Variants in P2RY12 observed in about 807,000 individuals in gnomAD.
P2RY12 encodes purinergic receptor P2Y12.
In P2RY12, 3 loss-of-function variants were observed where a neutral mutation model predicts 4.5. The observed-to-expected ratio is 0.67, with a 90% CI of 0.31 to 1.74. P2RY12 has a LOEUF of 1.74. P2RY12 is among the 40% of genes most tolerant of loss of function. P2RY12 has a pLI of 0.09. For missense variants in P2RY12, 356 were observed against 407.8 expected (o/e 0.87, Z 1.09); for synonymous variants, 148 against 154.1 (o/e 0.96, Z 0.29).
intron 1 of P2RY12, chr3:151,355,050 A>G: frequency 9.0e-7 from 1 of 1,111,504 alleles, no homozygotes; most frequent in South Asian, 1.3e-5. Flanking sequence ...ACTTTAAAAA[A>G]AAGTATCCAT....
intron 1 of P2RY12, chr3:151,350,126 A>AT: frequency 6.2e-7 from 1 of 1,613,842 alleles, no homozygotes; most frequent in East Asian, 2.2e-5. Flanking sequence ...AAAGAGCGTG[A>AT]TGAAGCAAGG....
chr3:151,350,574 C>G (rs976293867), intron 1 of P2RY12, among the ~76,000 whole-genome samples: 3 of 152,068 alleles, frequency 2.0e-5, no homozygotes, highest in African/African-American at 7.2e-5. Context: ...ATCCATTTCT[C>G]TGTTTCTTTA....
At chr3:151,365,750 T>C (rs1284167315) in intron 1 of P2RY12, 2 of 1,077,400 alleles carry the variant, frequency 1.9e-6, no homozygotes, top group African/African-American at 3.1e-5. Context: ...AGAAAATGAC[T>C]TGTTTGATGT....
chr3:151,378,230 C>A (rs912475115), intron 1 of P2RY12: 31 of 1,483,720 alleles, frequency 2.1e-5, no homozygotes, highest in Middle Eastern at 1.8e-4. Flanking sequence ...GAGAAAGTCT[C>A]ACTTCCTGTA....
chr3:151,346,500 GA>G (rs1223107963), intron 1 of P2RY12, among the ~76,000 whole-genome samples: 22 of 152,098 alleles, frequency 1.4e-4, no homozygotes, highest in Admixed American at 6.5e-5. Context: ...GCCACTTAGA[GA>G]AACTTCTTCT....
At chr3:151,361,253 A>G (rs11925037) in intron 1 of P2RY12, among the ~76,000 whole-genome samples, 41,422 of 152,032 alleles carry the variant, frequency 0.27, 5,931 homozygotes, top group Non-Finnish European at 0.31. Context: ...CACAAAAACA[A>G]TTTTGCTGTT....
At position 151,354,969 on chromosome 3, in the gene P2RY12, A is replaced by G; in HGVS notation, c.-179-14209T>C. 8 of 642,826 alleles carry G rather than the reference A, an allele frequency of 1.2e-5. No individual in the cohort carries two copies. In the Admixed American group the frequency reaches 1.8e-4, roughly 15 times the overall value. 39.8% of individuals were successfully genotyped at this position (642,826 alleles called of 1,614,324 possible). Reference sequence around the variant, plus strand: ...CTGAGATTCCATTCTGTTACTTTGCATTCAAGTCTTATTGTGTATTTATTT... The same window carrying G: ...CTGAGATTCCATTCTGTTACTTTGCGTTCAAGTCTTATTGTGTATTTATTT... On this transcript the variant is annotated intron_variant, in intron 1 of 2. Coordinates refer to ENST00000302632, the MANE Select transcript of P2RY12 (RefSeq NM_022788.5).
intron 1 of P2RY12, among the ~76,000 whole-genome samples, chr3:151,346,328 A>G (rs1351469218): frequency 6.6e-6 from 1 of 152,158 alleles, no homozygotes; most frequent in Non-Finnish European, 1.5e-5. Context: ...TATTTGAAAG[A>G]TAGGTCTGAA....
intron 1 of P2RY12, chr3:151,357,260 C>G: frequency 6.2e-7 from 1 of 1,613,478 alleles, no homozygotes; most frequent in Non-Finnish European, 8.5e-7. Context: ...TCCTAAAATC[C>G]TCCAGCCTGG....
rs544930918 is a variant in P2RY12, at chr3:151,340,169, A to C, written c.-15+427T>G. 2.0e-5 allele frequency among the ~76,000 whole-genome samples: 3 copies of C among 152,246 alleles called. No individual in the cohort carries two copies. In the South Asian group the frequency reaches 6.2e-4, roughly 32 times the overall value. On this transcript the variant is annotated intron_variant, in intron 2 of 2. Transcript: ENST00000302632. ...ACCTAATGTTTTCCAATACAAGATCACTGATTTTAACCTTTCCTGCTACTG... is the reference window on the plus strand; with the variant it reads ...ACCTAATGTTTTCCAATACAAGATCCCTGATTTTAACCTTTCCTGCTACTG...
chr3:151,378,498 A>T (rs1265802946), intron 1 of P2RY12, among the ~76,000 whole-genome samples: 2 of 151,638 alleles, frequency 1.3e-5, no homozygotes, highest in Admixed American at 6.6e-5. Context: ...AATTATTTCT[A>T]TTTTTTTATT....
At chr3:151,384,419 A>G (rs899927535) in intron 1 of P2RY12, among the ~76,000 whole-genome samples, 5 of 152,252 alleles carry the variant, frequency 3.3e-5, no homozygotes, top group Non-Finnish European at 7.3e-5. Context: ...ATTGAAAACA[A>G]TTACATTATA....
chr3:151,376,213 A>G (rs1756832255), intron 1 of P2RY12: 1 of 1,570,362 alleles, frequency 6.4e-7, no homozygotes. Flanking sequence ...CGTATTCTTC[A>G]GGTCAGTCGT....
chr3:151,384,576 T>C (rs1712992697), intron 1 of P2RY12, 116 bp downstream of exon 1: 2 of 193,430 alleles, frequency 1.0e-5, no homozygotes, highest in Admixed American at 1.2e-4. Context: ...AATTTATAAA[T>C]CGATTCATTT....
chr3:151,358,056 T>G (rs1039172216), intron 1 of P2RY12, among the ~76,000 whole-genome samples: 23 of 152,176 alleles, frequency 1.5e-4, no homozygotes, highest in Non-Finnish European at 2.5e-4. Flanking sequence ...TTCTCTTCAG[T>G]TTTTCCTTCT....
chr3:151,375,497 A>G (rs887776551), intron 1 of P2RY12, among the ~76,000 whole-genome samples: 14 of 152,186 alleles, frequency 9.2e-5, no homozygotes, highest in South Asian at 2.1e-4. Context: ...TTGCACTTCT[A>G]TGAAATTACC....
intron 1 of P2RY12, among the ~76,000 whole-genome samples, chr3:151,359,184 C>T (rs1287572662): frequency 2.0e-5 from 3 of 152,068 alleles, no homozygotes; most frequent in African/African-American, 7.2e-5. Context: ...ATGTGCTTGG[C>T]TTTCTGTTTC....
chr3:151,369,045 G>A (rs947800597), intron 1 of P2RY12, among the ~76,000 whole-genome samples: 1 of 152,102 alleles, frequency 6.6e-6, no homozygotes, highest in African/African-American at 2.4e-5. Flanking sequence ...ACAGGCGTGA[G>A]CCACCGCACC....
chr3:151,383,049 T>A (rs577101005), intron 1 of P2RY12, among the ~76,000 whole-genome samples: 3 of 152,250 alleles, frequency 2.0e-5, no homozygotes, highest in Non-Finnish European at 2.9e-5. Context: ...AAGACTGTTA[T>A]AAGTGTTAGC....
Sources: gnomAD v4.1 joint callset for allele counts (sites outside exome capture counted in the v4.1 genomes callset) on GRCh38, gnomAD v4.1.1 for gene constraint, MANE v1.5 for transcripts, NCBI Gene and HGNC (gene_info 2026-07-23, HGNC 2026-07-21) for gene names.